The following EPHB2 variants were observed in gnomAD, a reference collection of about 807,000 sequenced individuals.
EPHB2 encodes the protein ephrin type-B receptor 2.
EPHB2 carries 18 observed loss-of-function variants against 96.4 expected under a neutral mutation model. The ratio of observed to expected loss-of-function variants is 0.19; its 90% CI spans 0.13 to 0.28. EPHB2 has a LOEUF of 0.28. Among genes scored for constraint, EPHB2 ranks in the 10% least tolerant of loss-of-function variants. The pLI, the probability that EPHB2 is intolerant of heterozygous loss-of-function variation, is 1.00. For missense variants in EPHB2, 989 were observed against 1,355.4 expected (o/e 0.73, Z 4.25); for synonymous variants, 506 against 534.1 (o/e 0.95, Z 0.72).
At chr1:22,908,934 C>T (rs540439078) in intron 12 of EPHB2, 88 bp from the exon 13 acceptor site, 181 of 1,571,166 alleles carry the variant, frequency 1.2e-4, no homozygotes, top group African/African-American at 4.6e-4. Context: ...GAGATTGGGG[C>T]ATCACAGGGC....
At chr1:22,761,557 GAGCA>G (rs2148395142) in intron 1 of EPHB2, among the ~76,000 whole-genome samples, 1 of 152,326 alleles carries the variant, frequency 6.6e-6, no homozygotes, top group East Asian at 1.9e-4. Flanking sequence ...ACTTGACACT[GAGCA>G]CTGAGCCTCC....
chr1:22,816,390 G>A (rs1645075627), intron 3 of EPHB2, among the ~76,000 whole-genome samples: 1 of 152,134 alleles, frequency 6.6e-6, no homozygotes, highest in African/African-American at 2.4e-5. Flanking sequence ...CACAATCCCA[G>A]TCCTGCCTCC....
At chr1:22,783,937 G>A (rs569760252) in intron 2 of EPHB2, among the ~76,000 whole-genome samples, 2 of 152,094 alleles carry the variant, frequency 1.3e-5, no homozygotes, top group African/African-American at 4.8e-5. Flanking sequence ...CCATCAGACC[G>A]AGAGTTCCCA....
At chr1:22,751,566 C>G (rs1644063571) in intron 1 of EPHB2, among the ~76,000 whole-genome samples, 1 of 152,244 alleles carries the variant, frequency 6.6e-6, no homozygotes, top group East Asian at 1.9e-4. Flanking sequence ...ACCTTCCCTA[C>G]CTTTACGCCT....
At chr1:22,785,419 G>T (rs560262258) in intron 3 of EPHB2, among the ~76,000 whole-genome samples, 60 of 152,308 alleles carry the variant, frequency 3.9e-4, no homozygotes, top group African/African-American at 1.4e-3. Context: ...TTAAGAAAAC[G>T]TATGTTATAG....
intron 6 of EPHB2, among the ~76,000 whole-genome samples, chr1:22,883,215 C>T (rs746043133): frequency 1.3e-5 from 2 of 152,236 alleles, no homozygotes; most frequent in Non-Finnish European, 2.9e-5. Flanking sequence ...AAAGGCAGCA[C>T]AGCACCCAGA....
intron 6 of EPHB2, among the ~76,000 whole-genome samples, chr1:22,886,497 C>T (rs1639228703): frequency 6.6e-6 from 1 of 152,080 alleles, no homozygotes; most frequent in Admixed American, 6.5e-5. Context: ...GAATGCATTC[C>T]AGGGAGACAT....
intron 3 of EPHB2, among the ~76,000 whole-genome samples, chr1:22,803,040 G>A (rs1477163020): frequency 6.6e-6 from 1 of 152,156 alleles, no homozygotes; most frequent in African/African-American, 2.4e-5. Context: ...GGGAGTCCCA[G>A]AGGCCTTTCT....
At chr1:22,752,169 G>C (rs1644073822) in intron 1 of EPHB2, among the ~76,000 whole-genome samples, 1 of 152,220 alleles carries the variant, frequency 6.6e-6, no homozygotes, top group African/African-American at 2.4e-5. Context: ...ATTTATGATT[G>C]TTTTTATTCC....
intron 3 of EPHB2, among the ~76,000 whole-genome samples, chr1:22,848,462 G>T (rs1236788695): frequency 6.6e-6 from 1 of 152,208 alleles, no homozygotes; most frequent in African/African-American, 2.4e-5. Flanking sequence ...GGAGGATGCT[G>T]GCTGTCACTC....
Position 22,733,969 on chromosome 1 carries a change from G to A in EPHB2, c.61+22926G>A, listed in dbSNP as rs2148355371. On this transcript the variant is annotated intron_variant, in intron 1 of 15. Coordinates refer to ENST00000374630, the MANE Select transcript of EPHB2 (RefSeq NM_017449.5). The surrounding 1 kb of genome is among the most constrained non-coding windows in gnomAD (Gnocchi z 4.6). ...TTTGGTGGGGACAGAGCTAGAAGTT[G>A]AACCTGGGACTGGATTCTTGGCCTC... Among the ~76,000 whole-genome samples, 1 of 152,332 alleles carries A rather than the reference G, an allele frequency of 6.6e-6. No homozygotes were observed. Among genetic ancestry groups the A allele is most frequent in the Middle Eastern group, 3.4e-3 (1 of 294 alleles).
At chr1:22,809,821 C>T (rs904323648) in intron 3 of EPHB2, among the ~76,000 whole-genome samples, 1 of 152,192 alleles carries the variant, frequency 6.6e-6, no homozygotes, top group African/African-American at 2.4e-5. Flanking sequence ...ATGTGGTGCT[C>T]CACAGCAGGC....
chr1:22,874,675 G>A (rs2148540208), intron 5 of EPHB2, among the ~76,000 whole-genome samples: 1 of 152,288 alleles, frequency 6.6e-6, no homozygotes, highest in African/African-American at 2.4e-5. Flanking sequence ...TGACGAAGGG[G>A]CCTGGCACTG....
At chr1:22,796,830 T>A (rs1644773266) in intron 3 of EPHB2, among the ~76,000 whole-genome samples, 1 of 152,166 alleles carries the variant, frequency 6.6e-6, no homozygotes, top group South Asian at 2.1e-4. Context: ...CTCTGCTGAA[T>A]CCTTACAGTC....
chr1:22,872,162 G>A (rs142189957), intron 5 of EPHB2, among the ~76,000 whole-genome samples: 42 of 152,282 alleles, frequency 2.8e-4, no homozygotes, highest in African/African-American at 9.4e-4. Context: ...GGCTGTGGGA[G>A]TGAGGCCTCT....
chr1:22,718,839 AC>A (rs564969614), intron 1 of EPHB2, among the ~76,000 whole-genome samples: 4 of 152,086 alleles, frequency 2.6e-5, no homozygotes, highest in Non-Finnish European at 5.9e-5. Flanking sequence ...GCCCAAGGAC[AC>A]CTAGGGAGTG....
chr1:22,715,856 G>GGCGAGGA (rs1643279904), intron 1 of EPHB2, among the ~76,000 whole-genome samples: 1 of 152,222 alleles, frequency 6.6e-6, no homozygotes, highest in South Asian at 2.1e-4. Flanking sequence ...TGTGCTCTGG[G>GGCGAGGA]GCGAGGAGCG....
chr1:22,844,559 C>A (rs1016793092), intron 3 of EPHB2, among the ~76,000 whole-genome samples: 2 of 152,196 alleles, frequency 1.3e-5, no homozygotes, highest in Admixed American at 1.3e-4. Flanking sequence ...TTCTCAACAA[C>A]CTTAGGAGGG....
chr1:22,735,497 T>C (rs1384484522), intron 1 of EPHB2, among the ~76,000 whole-genome samples: 27 of 150,452 alleles, frequency 1.8e-4, no homozygotes, highest in Admixed American at 1.8e-3. Context: ...TCTAAGGAAG[T>C]TTACAGTCCA....
Sources: allele counts gnomAD v4.1 joint callset (sites outside exome capture counted in the v4.1 genomes callset), GRCh38; gene constraint gnomAD v4.1.1; non-coding constraint Gnocchi (gnomAD v3.1); transcripts MANE v1.5; gene names NCBI Gene and HGNC (gene_info 2026-07-23, HGNC 2026-07-21).